The following MAST2 variants were observed in gnomAD, a reference collection of about 807,000 sequenced individuals.
MAST2 encodes microtubule-associated serine/threonine-protein kinase 2.
Under a neutral mutation model 147.4 loss-of-function variants are expected in MAST2, and 70 were observed. The observed-to-expected ratio is 0.47, with a 90% CI of 0.39 to 0.58. MAST2 has a LOEUF of 0.58. Among genes scored for constraint, MAST2 ranks in the 20% least tolerant of loss-of-function variants. The pLI, the probability that MAST2 is intolerant of heterozygous loss-of-function variation, is 0.00. For missense variants in MAST2, 2,080 were observed against 2,302.3 expected, an observed-to-expected ratio of 0.90 and a Z score of 1.98; for synonymous variants, 869 against 896.8, an observed-to-expected ratio of 0.97 and a Z score of 0.55.
intron 4 of MAST2, among the ~76,000 whole-genome samples, chr1:45,883,598 A>C (rs1646938204): frequency 6.6e-6 from 1 of 152,196 alleles, no homozygotes; most frequent in Non-Finnish European, 1.5e-5. Flanking sequence ...TGTTAGAAGG[A>C]TCACTTAATA....
In MAST2 at chr1:46,034,953, C is replaced by G; in HGVS notation, c.4284C>G (p.His1428Gln). The G allele has an allele frequency of 6.2e-7, 1 of 1,614,164 alleles. No homozygotes were observed. Among genetic ancestry groups the G allele is most frequent in the Non-Finnish European group, 8.5e-7 (1 of 1,180,042 alleles). The change falls in exon 29 of 29, where the codon CAC (histidine) becomes CAG (glutamine). Residue 1428 changes from histidine to glutamine, a missense_variant. Around this residue, in one of 4 missense-constraint regions of MAST2, gnomAD observed 1,278 missense variants for 1,304.2 expected, o/e 0.98. Transcript: ENST00000361297. The part of the protein sequence containing the change: ...SEKKLATSRK[H>Q]SLDLPHSELK... ...AGAAGCTAGCCACTTCTCGCAAGCA[C>G]AGCCTTGACCTGCCCCACTCTGAAC...
At chr1:45,975,852 G>A (rs1644130350) in intron 5 of MAST2, among the ~76,000 whole-genome samples, 1 of 152,016 alleles carries the variant, frequency 6.6e-6, no homozygotes, top group Non-Finnish European at 1.5e-5. Context: ...AAGATCCATG[G>A]ACCCTGAGTG....
chr1:45,990,015 G>A (rs949139872), intron 5 of MAST2, among the ~76,000 whole-genome samples: 4 of 152,136 alleles, frequency 2.6e-5, no homozygotes, highest in East Asian at 1.9e-4. Context: ...AGTTTTGGGC[G>A]ATCACGAATA....
At chr1:45,914,493 C>A (rs1249243271) in intron 4 of MAST2, among the ~76,000 whole-genome samples, 1 of 152,214 alleles carries the variant, frequency 6.6e-6, no homozygotes, top group Non-Finnish European at 1.5e-5. Flanking sequence ...CAAGTGAATT[C>A]ATCAGTAAAT....
chr1:45,993,266 A>G (rs1644918935), intron 5 of MAST2, among the ~76,000 whole-genome samples: 1 of 152,160 alleles, frequency 6.6e-6, no homozygotes, highest in Non-Finnish European at 1.5e-5. Flanking sequence ...TCCACCTGGC[A>G]TCCTTTGCTT....
At chr1:46,033,650 AAAC>A (rs750656471) in intron 26 of MAST2, 149 bp from the exon 27 acceptor site, 2 of 1,044,606 alleles carry the variant, frequency 1.9e-6, no homozygotes, top group Non-Finnish European at 1.4e-6. Flanking sequence ...TCATCTGTAA[AAAC>A]AATAATATAG....
In MAST2 at chr1:46,027,770, C is replaced by T. The variant is rs1333752928; in HGVS notation, c.1959C>T (p.Asp653=). 1 of 1,614,128 alleles carries T rather than the reference C, an allele frequency of 6.2e-7. No individual in the cohort carries two copies. The highest frequency in any genetic ancestry group is 8.5e-7 in the Non-Finnish European group (1 of 1,179,996). The change falls in exon 17 of 29, where the codon GAC becomes GAT. Residue 653 remains aspartate, a synonymous_variant. Transcript: ENST00000361297. Reference sequence around the variant, plus strand: ...CCATGGGGCACATCAAGCTCACGGACTTTGGACTGTCCAAAATTGGCCTCA... The same window carrying T: ...CCATGGGGCACATCAAGCTCACGGATTTTGGACTGTCCAAAATTGGCCTCA... ...ITSMGHIKLT[D]FGLSKIGLMS...
intron 1 of MAST2, among the ~76,000 whole-genome samples, chr1:45,806,763 G>T (rs1258564747): frequency 6.6e-6 from 1 of 152,184 alleles, no homozygotes; most frequent in Non-Finnish European, 1.5e-5. Context: ...TTTTAGTGGA[G>T]ATGGGGTTTC....
intron 5 of MAST2, among the ~76,000 whole-genome samples, chr1:45,976,808 GGATT>G (rs761793830): frequency 8.5e-5 from 13 of 152,150 alleles, no homozygotes; most frequent in Non-Finnish European, 1.8e-4. Context: ...AGTGGCATGT[GGATT>G]GATTGTCTTC....
At chr1:45,948,370 A>G (rs114986671) in intron 4 of MAST2, among the ~76,000 whole-genome samples, 7,061 of 152,230 alleles carry the variant, frequency 0.046, 522 homozygotes, top group African/African-American at 0.16. Flanking sequence ...CTATCAAACT[A>G]CCAAGAGTAT....
At chr1:45,883,683 G>A (rs566299062) in intron 4 of MAST2, among the ~76,000 whole-genome samples, 31 of 151,522 alleles carry the variant, frequency 2.0e-4, no homozygotes, top group African/African-American at 7.1e-4. Flanking sequence ...GGTTAAATTT[G>A]GATGAATTCT....
intron 25 of MAST2, 50 bp from the exon 26 acceptor site, chr1:46,032,546 A>C (rs750425720): frequency 6.2e-7 from 1 of 1,605,960 alleles, no homozygotes; most frequent in Non-Finnish European, 8.5e-7. Flanking sequence ...ACCAGGCCCC[A>C]TACTTCGTGT....
At chr1:45,927,428 G>A (rs1423888108) in intron 4 of MAST2, among the ~76,000 whole-genome samples, 1 of 152,164 alleles carries the variant, frequency 6.6e-6, no homozygotes, top group Non-Finnish European at 1.5e-5. Flanking sequence ...GACAGGCCAC[G>A]CCCAGGGGGG....
At chr1:45,805,837 TC>T (rs1036117903) in intron 1 of MAST2, among the ~76,000 whole-genome samples, 1 of 152,228 alleles carries the variant, frequency 6.6e-6, no homozygotes, top group African/African-American at 2.4e-5. Flanking sequence ...CAACATAATT[TC>T]CCTGAATTGT....
At chr1:45,997,982 G>A (rs1046290594) in intron 6 of MAST2, among the ~76,000 whole-genome samples, 183 bp downstream of exon 6, 1 of 152,134 alleles carries the variant, frequency 6.6e-6, no homozygotes, top group African/African-American at 2.4e-5. Flanking sequence ...TTCTGGTTTT[G>A]CTTTATAGGT....
intron 3 of MAST2, among the ~76,000 whole-genome samples, chr1:45,855,033 C>T (rs1201107905): frequency 3.3e-5 from 5 of 152,210 alleles, no homozygotes; most frequent in African/African-American, 1.2e-4. Flanking sequence ...TGGAAGCTCT[C>T]TGAACCCTGT....
At chr1:45,971,814 T>C (rs757342837) in intron 5 of MAST2, among the ~76,000 whole-genome samples, 3 of 152,232 alleles carry the variant, frequency 2.0e-5, no homozygotes, top group Non-Finnish European at 4.4e-5. Context: ...TGTATATATG[T>C]ACACAGACTT....
chr1:46,034,191 C>G lies in MAST2; in HGVS notation c.3793C>G (p.Pro1265Ala). The G allele has an allele frequency of 6.2e-7, 1 of 1,614,170 alleles. No individual in the cohort carries two copies. Among genetic ancestry groups the G allele is most frequent in the Non-Finnish European group, 8.5e-7 (1 of 1,180,024 alleles). ...ATCAGGGGAGAGTGGGCCAGGCTCTCCCACACACAGCCACAGCCTTTCCCC... is the reference window on the plus strand; with the variant it reads ...ATCAGGGGAGAGTGGGCCAGGCTCTGCCACACACAGCCACAGCCTTTCCCC... Reference protein sequence around the residue: ...LSSGESGPGSPTHSHSLSPRS... With the variant: ...LSSGESGPGSATHSHSLSPRS... The change falls in exon 28 of 29, where the codon CCC (proline) becomes GCC (alanine). Residue 1265 changes from proline (P) to alanine (A), a missense_variant. Physicochemically the swap from Pro to Ala is conservative, Grantham distance 27 (BLOSUM62 -1). Coordinates refer to ENST00000361297, the MANE Select transcript of MAST2 (RefSeq NM_015112.3).
chr1:45,991,185 A>G (rs952128211), intron 5 of MAST2, among the ~76,000 whole-genome samples: 5 of 152,086 alleles, frequency 3.3e-5, no homozygotes, highest in African/African-American at 9.7e-5. Context: ...CTCCTTTGTC[A>G]TATATCAGTT....
Sources: gnomAD v4.1 joint callset for allele counts (sites outside exome capture counted in the v4.1 genomes callset) on GRCh38, gnomAD v4.1.1 for gene constraint, gnomAD v4.1.1 regional missense constraint, MANE v1.5 for transcripts, NCBI Gene and HGNC (gene_info 2026-07-23, HGNC 2026-07-21) for gene names.